THNSL1: variants seen among roughly 807,000 people sequenced by gnomAD.
THNSL1 encodes threonine synthase-like 1.
In THNSL1, 48 loss-of-function variants were observed where a neutral mutation model predicts 50.4. The ratio of observed to expected loss-of-function variants is 0.95; its 90% CI spans 0.76 to 1.21. The LOEUF is 1.21. THNSL1 is among the 50% of genes most tolerant of loss of function. The pLI is 0.00. For missense variants in THNSL1, 896 were observed against 871.7 expected, an observed-to-expected ratio of 1.03 and a Z score of -0.35; for synonymous variants, 309 against 306.1, an observed-to-expected ratio of 1.01 and a Z score of -0.10.
the THNSL1 span, among the ~76,000 whole-genome samples, chr10:24,977,756 T>C: frequency 1.3e-5 from 2 of 152,354 alleles, no homozygotes; most frequent in African/African-American, 2.4e-5. Flanking sequence ...TGTGTGTATA[T>C]ATATGCATTT....
chr10:25,023,668 G>A lies in THNSL1; in HGVS notation c.445G>A (p.Gly149Arg), dbSNP rs774250983. The change falls in exon 3 of 3, where the codon GGA becomes AGA. Residue 149 changes from glycine (G) to arginine (R), a missense_variant. Transcript: ENST00000376356. ...DASMWHLKKN[G>R]IIVYLDVPLL... The stretch of plus-strand genomic sequence containing the variant: ...TAGCATGTGGCATCTGAAGAAAAAT[G>A]GAATAATTGTATACCTGGATGTACC... 2 of 1,614,054 alleles carry A rather than the reference G, an allele frequency of 1.2e-6. No homozygotes were observed. The highest frequency in any genetic ancestry group is 1.1e-5 in the South Asian group (1 of 91,076).
At chr10:24,984,835 G>A in the THNSL1 span, 1 of 1,613,236 alleles carries the variant, frequency 6.2e-7, no homozygotes, top group Non-Finnish European at 8.5e-7. Flanking sequence ...GATCTTCTTT[G>A]GTATAGAATC....
At chr10:24,962,274 C>A in the THNSL1 span, among the ~76,000 whole-genome samples, 1,602 of 152,226 alleles carry the variant, frequency 0.011, 16 homozygotes, top group Middle Eastern at 0.048. Flanking sequence ...ACAAGAATAT[C>A]TCTGTCTAGT....
At chr10:24,984,665 G>GC in the THNSL1 span, 4 of 1,406,602 alleles carry the variant, frequency 2.8e-6, no homozygotes, top group South Asian at 5.5e-5. Flanking sequence ...TGAAAAACTT[G>GC]GAGTTTTTTA....
At chr10:25,018,389 C>A (rs889336921) in intron 1 of THNSL1, among the ~76,000 whole-genome samples, 2 of 152,200 alleles carry the variant, frequency 1.3e-5, no homozygotes, top group African/African-American at 2.4e-5. Flanking sequence ...AACAAACTGT[C>A]TATAAAGGGG....
chr10:24,995,166 T>A, the THNSL1 span, among the ~76,000 whole-genome samples: 1 of 152,218 alleles, frequency 6.6e-6, no homozygotes, highest in South Asian at 2.1e-4. Flanking sequence ...TATATTCATG[T>A]TAAAATAGGA....
chr10:24,963,984 TG>T, the THNSL1 span, among the ~76,000 whole-genome samples: 1 of 152,224 alleles, frequency 6.6e-6, no homozygotes, highest in Non-Finnish European at 1.5e-5. Flanking sequence ...GAATTTTACC[TG>T]GTTTTATAAA....
chr10:25,003,891 C>A, the THNSL1 span, among the ~76,000 whole-genome samples: 3 of 152,266 alleles, frequency 2.0e-5, no homozygotes, highest in African/African-American at 7.2e-5. Context: ...GTGTTATCAC[C>A]ATTTAGCTCT....
the THNSL1 span, among the ~76,000 whole-genome samples, chr10:24,968,300 C>T: frequency 5.9e-5 from 9 of 152,198 alleles, no homozygotes; most frequent in South Asian, 2.1e-4. Flanking sequence ...ACAAGGAAGA[C>T]GAAGCGTAAG....
chr10:24,977,728 G>T, the THNSL1 span, among the ~76,000 whole-genome samples: 2 of 152,288 alleles, frequency 1.3e-5, no homozygotes, highest in Middle Eastern at 3.4e-3. Context: ...ACATATGTGT[G>T]TATGTAATTA....
rs1850856903 is a variant in THNSL1 at position 25,026,566 on chromosome 10, T to C, written c.*1111T>C. On this transcript the variant is annotated 3_prime_UTR_variant, in exon 3 of 3. Transcript: ENST00000376356. Reference sequence around the variant, plus strand: ...AAACTGCACACAACTGATACACATATTTAATTTGTATTCCTTTGTAGTAAT... The same window carrying C: ...AAACTGCACACAACTGATACACATACTTAATTTGTATTCCTTTGTAGTAAT... The C allele has an allele frequency of 6.0e-6, 1 of 166,480 alleles. No homozygotes were observed. Among genetic ancestry groups the C allele is most frequent in the Non-Finnish European group, 1.5e-5 (1 of 68,124 alleles). The allele number at this position is 166,480 out of a possible 1,614,324, so 10.3% of individuals were successfully genotyped here.
At chr10:24,952,874 G>A in the THNSL1 span, among the ~76,000 whole-genome samples, 7 of 151,718 alleles carry the variant, frequency 4.6e-5, no homozygotes, top group African/African-American at 1.7e-4. This position sits in a 1 kb window ranked among gnomAD's most constrained non-coding sequence, Gnocchi z 5.1. Flanking sequence ...CGCCGCTGTC[G>A]CCGCCGCCCC....
chr10:24,972,843 T>C, the THNSL1 span, among the ~76,000 whole-genome samples: 7 of 152,296 alleles, frequency 4.6e-5, no homozygotes, highest in South Asian at 2.1e-4. Flanking sequence ...ATAAGGATAT[T>C]TTAGGATTAC....
At chr10:25,010,000 G>A in the THNSL1 span, among the ~76,000 whole-genome samples, 3 of 152,150 alleles carry the variant, frequency 2.0e-5, no homozygotes, top group Non-Finnish European at 2.9e-5. Context: ...AGAGTGGGAT[G>A]CTGCTATAAA....
At chr10:24,962,967 T>C in the THNSL1 span, among the ~76,000 whole-genome samples, 5 of 152,314 alleles carry the variant, frequency 3.3e-5, no homozygotes, top group African/African-American at 1.2e-4. Flanking sequence ...ATTCAAAGAA[T>C]AGGAGACTAG....
Position 25,024,905 on chromosome 10 carries a change from C to T in THNSL1, c.1682C>T (p.Ser561Leu), listed in dbSNP as rs1438621470. 1.2e-6 allele frequency: 2 copies of T among 1,613,814 alleles called. No individual in the cohort carries two copies. The highest frequency in any genetic ancestry group is 1.7e-6 in the Non-Finnish European group (2 of 1,180,010). Residue 561 changes from serine (S) to leucine (L), a missense_variant, in exon 3 of 3, where the codon TCA becomes TTA. Transcript: ENST00000376356. ...LRERKLAQTFSPSIDILKSSN... is the reference protein window; with the variant it reads ...LRERKLAQTFLPSIDILKSSN... ...GAAAGAAAACTAGCACAAACCTTTT[C>T]ACCGTCAATAGATATTCTCAAATCT...
intron 1 of THNSL1, among the ~76,000 whole-genome samples, chr10:25,020,323 T>G (rs1850694517): frequency 6.6e-6 from 1 of 150,846 alleles, no homozygotes; most frequent in Non-Finnish European, 1.5e-5. Context: ...AAGTAAAATT[T>G]AAAAACAAGA....
the THNSL1 span, among the ~76,000 whole-genome samples, chr10:24,997,377 C>CTT: frequency 6.5e-3 from 899 of 139,148 alleles, 12 homozygotes; most frequent in African/African-American, 0.021. Context: ...CCCTGCATTC[C>CTT]TTTTTTTTTT....
the THNSL1 span, among the ~76,000 whole-genome samples, chr10:24,988,188 C>A: frequency 6.7e-6 from 1 of 149,518 alleles, no homozygotes; most frequent in Admixed American, 6.7e-5. Flanking sequence ...CATGCCACTG[C>A]ACTTCAGCCT....
Sources: gnomAD v4.1 joint callset for allele counts (sites outside exome capture counted in the v4.1 genomes callset) on GRCh38, gnomAD v4.1.1 for gene constraint, Gnocchi (gnomAD v3.1) non-coding constraint, MANE v1.5 for transcripts, NCBI Gene and HGNC (gene_info 2026-07-23, HGNC 2026-07-21) for gene names.